WEE2: variants seen among roughly 807,000 people sequenced by gnomAD.
WEE2 encodes the protein WEE2 oocyte meiosis inhibiting kinase.
WEE2 carries 50 observed loss-of-function variants against 60.1 expected under a neutral mutation model. That is an observed-to-expected ratio of 0.83 (90% CI 0.66 to 1.05). WEE2 has a LOEUF of 1.05. Ranked by LOEUF, WEE2 falls within the 50% of genes least tolerant of loss-of-function variation. The pLI is 0.00. For synonymous variants in WEE2, 240 were observed against 241.0 expected, an observed-to-expected ratio of 1.00 and a Z score of 0.04; for missense variants, 631 against 684.3, an observed-to-expected ratio of 0.92 and a Z score of 0.87.
At chr7:141,719,373 A>G (rs1798864232) in intron 4 of WEE2, 129 bp downstream of exon 4, 1 of 843,420 alleles carries the variant, frequency 1.2e-6, no homozygotes, top group South Asian at 2.0e-5. Flanking sequence ...CCCACATTAT[A>G]TGTTATCTCA....
chr7:141,720,876 T>A, intron 4 of WEE2, 59 bp from the exon 5 acceptor site: 1 of 1,578,978 alleles, frequency 6.3e-7, no homozygotes, highest in African/African-American at 1.4e-5. Flanking sequence ...TTAAGAAACA[T>A]TTTTGTGTGC....
intron 10 of WEE2, among the ~76,000 whole-genome samples, chr7:141,729,106 C>T (rs1301080667): frequency 6.6e-6 from 1 of 152,200 alleles, no homozygotes; most frequent in Non-Finnish European, 1.5e-5. Flanking sequence ...ATGATTTCAG[C>T]TCTGCTGTTA....
chr7:141,729,753 C>T (rs138543924), intron 11 of WEE2, 80 bp downstream of exon 11: 1 of 1,479,394 alleles, frequency 6.8e-7, no homozygotes. Context: ...CTTTGGGAGG[C>T]CAAGGCAGGT....
chr7:141,709,647 C>T (rs1402935423), intron 1 of WEE2, among the ~76,000 whole-genome samples: 1 of 152,184 alleles, frequency 6.6e-6, no homozygotes, highest in East Asian at 1.9e-4. Flanking sequence ...GCTGCTCCTC[C>T]CAGAAACAAC....
chr7:141,712,121 C>T (rs1798719041), intron 1 of WEE2, among the ~76,000 whole-genome samples: 1 of 151,154 alleles, frequency 6.6e-6, no homozygotes. Flanking sequence ...ATTGACTGGG[C>T]CTTTAAAACA....
intron 2 of WEE2, 56 bp downstream of exon 2, chr7:141,714,461 T>A: frequency 7.5e-7 from 1 of 1,337,974 alleles, no homozygotes; most frequent in Admixed American, 2.2e-5. Flanking sequence ...AGTCAAGTAG[T>A]AAGAAGTGAG....
Position 141,708,909 on chromosome 7 carries a change from G to T in WEE2, c.151G>T (p.Ala51Ser), listed in dbSNP as rs761950313. 3.1e-6 allele frequency: 5 copies of T among 1,614,168 alleles called. No individual in the cohort carries two copies. Among genetic ancestry groups the T allele is most frequent in the Non-Finnish European group, 1.7e-6 (2 of 1,180,024 alleles). The change falls in exon 1 of 12, where the codon GCA (alanine) becomes TCA (serine). Residue 51 changes from alanine to serine, a missense_variant. Transcript: ENST00000397541. ...GAAGGGTGAAGTGCAGGATTCAGAG[G>T]CAAAGGGTACACCACCTTGGACTCC... ...PEKGEVQDSE[A>S]KGTPPWTPLS...
In WEE2 at chr7:141,730,705, A is replaced by G. The variant is rs1162307325; in HGVS notation, c.*385A>G. On this transcript the variant is annotated 3_prime_UTR_variant, in exon 12 of 12. Coordinates refer to ENST00000397541, the MANE Select transcript of WEE2 (RefSeq NM_001105558.1). ...GCTGTGGGGAGAGGCTTCAGGGAAAACTTGATGTGCCTGTGGTTGTTCTCC... is the reference window on the plus strand; with the variant it reads ...GCTGTGGGGAGAGGCTTCAGGGAAAGCTTGATGTGCCTGTGGTTGTTCTCC... 3.0e-5 allele frequency: 5 copies of G among 168,556 alleles called. No homozygotes were observed. The highest frequency in any genetic ancestry group is 6.4e-5 in the Admixed American group (1 of 15,728). 10.4% of individuals were successfully genotyped at this position (168,556 alleles called of 1,614,324 possible).
intron 3 of WEE2, among the ~76,000 whole-genome samples, chr7:141,716,730 A>T (rs1220182933): frequency 6.6e-6 from 1 of 152,012 alleles, no homozygotes; most frequent in African/African-American, 2.4e-5. Flanking sequence ...CTGGAGAAAA[A>T]CTCTACACTC....
chr7:141,720,516 A>G (rs188329849), intron 4 of WEE2, among the ~76,000 whole-genome samples: 2 of 152,200 alleles, frequency 1.3e-5, no homozygotes, highest in Non-Finnish European at 2.9e-5. Flanking sequence ...AATATCCACA[A>G]TCTGGTGTAC....
chr7:141,710,880 T>C (rs1238846462), intron 1 of WEE2, among the ~76,000 whole-genome samples: 2 of 152,138 alleles, frequency 1.3e-5, no homozygotes, highest in Admixed American at 6.5e-5. Flanking sequence ...GCCATTACCA[T>C]GGTTTTGAGT....
chr7:141,710,874 T>C (rs1013791594), intron 1 of WEE2, among the ~76,000 whole-genome samples: 3 of 152,160 alleles, frequency 2.0e-5, no homozygotes, highest in African/African-American at 7.2e-5. Flanking sequence ...GAGAGAGCCA[T>C]TACCATGGTT....
At chr7:141,709,581 T>A (rs571991346) in intron 1 of WEE2, among the ~76,000 whole-genome samples, 1 of 152,348 alleles carries the variant, frequency 6.6e-6, no homozygotes, top group South Asian at 2.1e-4. Context: ...TTACTAATAC[T>A]TTCTAATATA....
At chr7:141,726,161 T>C (rs1799013126) in intron 9 of WEE2, among the ~76,000 whole-genome samples, 1 of 152,114 alleles carries the variant, frequency 6.6e-6, no homozygotes, top group South Asian at 2.1e-4. Flanking sequence ...AGCTTAATCA[T>C]GTCAAGAAAA....
intron 10 of WEE2, among the ~76,000 whole-genome samples, chr7:141,728,602 A>G (rs1169197555): frequency 1.3e-5 from 2 of 152,242 alleles, no homozygotes; most frequent in East Asian, 3.9e-4. Flanking sequence ...GGTGACTATC[A>G]TCAGCCAGTA....
chr7:141,724,947 C>A, intron 8 of WEE2, 79 bp from the exon 9 acceptor site: 2 of 1,501,456 alleles, frequency 1.3e-6, no homozygotes, highest in South Asian at 2.6e-5. Flanking sequence ...CTCGAATGAA[C>A]CTTTCCTACC....
intron 10 of WEE2, chr7:141,727,682 C>G (rs1055356604): frequency 2.1e-6 from 1 of 481,162 alleles, no homozygotes; most frequent in Non-Finnish European, 3.6e-6. Context: ...ACAAAGGAAG[C>G]AAGAGTGAGG....
In WEE2 at chr7:141,714,059, C is replaced by A. The variant is rs150511387; in HGVS notation, c.343-150C>A. 7.3e-4 allele frequency: 429 copies of A among 584,086 alleles called. 4 individuals carry two copies. The highest frequency in any genetic ancestry group is 7.3e-3 in the African/African-American group (390 of 53,264). 36.2% of individuals were successfully genotyped at this position (584,086 alleles called of 1,614,324 possible). A position where few individuals can be genotyped will look rare whatever the true frequency, so the allele number is the denominator to read the frequency against. ...GATTCTATAGTTTTCATAAGAGGAG[C>A]AGTTACAATGCAACCAGTTCACATG... On this transcript the variant is annotated intron_variant, in intron 1 of 11. Transcript: ENST00000397541.
rs375631667 is a variant in WEE2, at chr7:141,716,527, C to T, written c.585+260C>T. On this transcript the variant is annotated intron_variant, in intron 3 of 11. Coordinates refer to ENST00000397541, the MANE Select transcript of WEE2 (RefSeq NM_001105558.1). ...CTCCTTTCTCCTACTCTCCTTCTCT[C>T]CTCCCCTCCCCATCTCACCCCATCT... Among the ~76,000 whole-genome samples the T allele has an allele frequency of 2.6e-5, 4 of 151,006 alleles. No homozygotes were observed. In the East Asian group the frequency reaches 5.9e-4, roughly 22 times the overall value.
Sources: allele counts gnomAD v4.1 joint callset (sites outside exome capture counted in the v4.1 genomes callset), GRCh38; gene constraint gnomAD v4.1.1; transcripts MANE v1.5; gene names NCBI Gene and HGNC (gene_info 2026-07-23, HGNC 2026-07-21).